The following TRIM25 variants were observed in gnomAD, a reference collection of about 807,000 sequenced individuals.
TRIM25 encodes the protein E3 ubiquitin/ISG15 ligase TRIM25.
TRIM25 carries 45 observed loss-of-function variants against 65.2 expected under a neutral mutation model. The ratio of observed to expected loss-of-function variants is 0.69; its 90% confidence interval spans 0.54 to 0.89. The LOEUF is 0.89. Ranked by LOEUF, TRIM25 falls within the 40% of genes least tolerant of loss-of-function variation. The pLI, the probability that TRIM25 is intolerant of heterozygous loss-of-function variation, is 0.00. For synonymous variants in TRIM25, 321 were observed against 340.4 expected (o/e 0.94, Z 0.63); for missense variants, 714 against 803.7 (o/e 0.89, Z 1.35).
At chr17:56,897,543 A>T (rs953679657) in intron 5 of TRIM25, among the ~76,000 whole-genome samples, 2 of 151,942 alleles carry the variant, frequency 1.3e-5, no homozygotes, top group African/African-American at 2.4e-5. Context: ...TGTGACATCA[A>T]TCTAGGGCAC....
In TRIM25 at chr17:56,891,769, A is replaced by G. The variant is rs1909175530; in HGVS notation, c.1824T>C (p.Thr608=). Residue 608 remains threonine, a synonymous_variant, in exon 9 of 9, where the codon ACT becomes ACC. Coordinates refer to ENST00000316881, the MANE Select transcript of TRIM25 (RefSeq NM_005082.5). ...HLMYKFRVDF[T]EALYPAFWVF... ...CCCAGAAAGCCGGGTACAAAGCCTC[A>G]GTAAAGTCCACCCTGAACTTATACA... 1.9e-6 allele frequency: 3 copies of G among 1,614,210 alleles called. No homozygotes were observed. In the East Asian group the frequency reaches 6.7e-5, roughly 36 times the overall value.
rs745885149 is a variant in TRIM25, at chr17:56,892,018, C to T, written c.1575G>A (p.Gly525=). 6.2e-7 allele frequency: 1 copy of T among 1,614,172 alleles called. No homozygotes were observed. Among genetic ancestry groups the T allele is most frequent in the Non-Finnish European group, 8.5e-7 (1 of 1,180,042 alleles). The stretch of plus-strand genomic sequence containing the variant: ...TCATGCTTCCGTAGCAGATGCCTAC[C>T]CCACAGAAGTTGTTCTTCTGCAGCT... ...EVELQKNNFC[G]VGICYGSMNR... The change falls in exon 9 of 9, where the codon GGG becomes GGA. Residue 525 remains glycine, a synonymous_variant. Transcript: ENST00000316881.
rs1431022480 is a variant in TRIM25 at position 56,905,187 on chromosome 17, A to C, written c.694-699T>G. On this transcript the variant is annotated intron_variant, in intron 2 of 8. Coordinates refer to ENST00000316881, the MANE Select transcript of TRIM25 (RefSeq NM_005082.5). Reference sequence around the variant, plus strand: ...AAGACCATTCTGGCCAACATGGTGAAACCCCATCTCTACTAAAAATACAAA... The same window carrying C: ...AAGACCATTCTGGCCAACATGGTGACACCCCATCTCTACTAAAAATACAAA... 2.0e-5 allele frequency among the ~76,000 whole-genome samples: 3 copies of C among 152,172 alleles called. No homozygotes were observed. In the East Asian group the frequency reaches 5.8e-4, roughly 29 times the overall value.
In TRIM25 at chr17:56,889,539, ACTC is replaced by A. The variant is rs1376118536; in HGVS notation, c.*2158_*2160del. The stretch of plus-strand genomic sequence containing the variant: ...GAATGGTTCAAGACAGCAAGGATGC[ACTC>A]CTCAATTTACAACTCCAAAGCACCT... On this transcript the variant is annotated 3_prime_UTR_variant, in exon 9 of 9. Coordinates refer to ENST00000316881, the MANE Select transcript of TRIM25 (RefSeq NM_005082.5). 1 of 387,676 alleles carries A rather than the reference ACTC, an allele frequency of 2.6e-6. No homozygotes were observed. Among genetic ancestry groups the A allele is most frequent in the African/African-American group, 2.1e-5 (1 of 48,356 alleles). The allele number at this position is 387,676 out of a possible 1,614,324, so 24.0% of individuals were successfully genotyped here.
Position 56,913,983 on chromosome 17 carries a change from T to C in TRIM25, c.6A>G (p.Ala2=). 2 of 1,552,948 alleles carry C rather than the reference T, an allele frequency of 1.3e-6. No individual in the cohort carries two copies. The highest frequency in any genetic ancestry group is 1.7e-6 in the Non-Finnish European group (2 of 1,146,922). The change falls in exon 1 of 9, where the codon GCA becomes GCG. Residue 2 remains alanine (A), a synonymous_variant. Coordinates refer to ENST00000316881, the MANE Select transcript of TRIM25 (RefSeq NM_005082.5). This position sits in a 1 kb window ranked among gnomAD's most constrained non-coding sequence, Gnocchi z 6.1. The stretch of plus-strand genomic sequence containing the variant: ...GCTCCTCGGCCAGGGGGCACAGCTC[T>C]GCCATGGCGCTCCCAGGGGTCGGGA... M[A]ELCPLAEELS...
At chr17:56,910,732 C>G (rs1385408344) in intron 1 of TRIM25, among the ~76,000 whole-genome samples, 7 of 152,180 alleles carry the variant, frequency 4.6e-5, no homozygotes, top group Admixed American at 4.6e-4. Context: ...CCTGAGGATC[C>G]CTTCACAGAC....
chr17:56,897,936 C>T (rs779136876), intron 5 of TRIM25, among the ~76,000 whole-genome samples: 5 of 152,208 alleles, frequency 3.3e-5, no homozygotes, highest in Non-Finnish European at 5.9e-5. Flanking sequence ...CTGTTCCATT[C>T]GGGGACCGAT....
At position 56,893,469 on chromosome 17, in the gene TRIM25, G is replaced by T. The variant is rs1039706403; in HGVS notation, c.1364-1240C>A. The stretch of plus-strand genomic sequence containing the variant: ...GTCTGGGCCTCTCTTGGGGGGCAGG[G>T]ACAGCGGAGGGCTACAAGAAGGCCA... On this transcript the variant is annotated intron_variant, in intron 8 of 8. Coordinates refer to ENST00000316881, the MANE Select transcript of TRIM25 (RefSeq NM_005082.5). Among the ~76,000 whole-genome samples, 3 of 152,220 alleles carry T rather than the reference G, an allele frequency of 2.0e-5. No individual in the cohort carries two copies. The East Asian group carries it at 5.8e-4, about 29-fold the overall frequency.
At chr17:56,901,302 T>C in intron 4 of TRIM25, 117 bp downstream of exon 4, 4 of 1,213,690 alleles carry the variant, frequency 3.3e-6, no homozygotes, top group Non-Finnish European at 4.6e-6. Context: ...TCAGGAGCCC[T>C]GAAACTCAGG....
chr17:56,890,288 A>C lies in TRIM25; in HGVS notation c.*1412T>G. 6.1e-6 allele frequency: 2 copies of C among 329,998 alleles called. No homozygotes were observed. Among genetic ancestry groups the C allele is most frequent in the South Asian group, 4.8e-5 (2 of 41,800 alleles). 20.4% of individuals were successfully genotyped at this position (329,998 alleles called of 1,614,324 possible). On this transcript the variant is annotated 3_prime_UTR_variant, in exon 9 of 9. Coordinates refer to ENST00000316881, the MANE Select transcript of TRIM25 (RefSeq NM_005082.5). ...GAGCTTGGGGAAAATCCAGCCATCC[A>C]TTCACTCCCGCCCCTTAGTGGACTG...
At position 56,891,571 on chromosome 17, in the gene TRIM25, CA is replaced by C; in HGVS notation, c.*128del. 1.1e-6 allele frequency: 1 copy of C among 935,160 alleles called. No individual in the cohort carries two copies. Among genetic ancestry groups the C allele is most frequent in the Non-Finnish European group, 1.6e-6 (1 of 641,880 alleles). 57.9% of individuals were successfully genotyped at this position (935,160 alleles called of 1,614,324 possible). A position where few individuals can be genotyped will look rare whatever the true frequency, so the allele number is the denominator to read the frequency against. On this transcript the variant is annotated 3_prime_UTR_variant, in exon 9 of 9. Coordinates refer to ENST00000316881, the MANE Select transcript of TRIM25 (RefSeq NM_005082.5). The stretch of plus-strand genomic sequence containing the variant: ...TAAATCCCACCTCCCACCCTCCCGC[CA>C]GCTCCCCTCCCATGCTCCCAATCCT...
chr17:56,902,132 G>A (rs1021882875), intron 3 of TRIM25, among the ~76,000 whole-genome samples: 6 of 152,164 alleles, frequency 3.9e-5, no homozygotes, highest in Non-Finnish European at 8.8e-5. Context: ...TCGAGAGCTC[G>A]GGGCAGCTGC....
chr17:56,895,275 G>A (rs1909267491), intron 8 of TRIM25, 68 bp downstream of exon 8: 18 of 1,303,066 alleles, frequency 1.4e-5, no homozygotes, highest in Non-Finnish European at 1.9e-5. Flanking sequence ...GCCTCACAGA[G>A]AGCTGCACAG....
rs755954951 is a variant in TRIM25, at chr17:56,901,531, G to A, written c.975C>T (p.Pro325=). The change falls in exon 4 of 9, where the codon CCC becomes CCT. Residue 325 remains proline, a synonymous_variant. Transcript: ENST00000316881. ...RGISTKPVYI[P]EVELNHKLIK... is the part of the protein sequence containing the mutation. ...TCAGCTTGTGGTTCAGTTCCACCTC[G>A]GGGATGTAGACTGGCTTTGTTGAGA... 15 of 1,614,122 alleles carry A rather than the reference G, an allele frequency of 9.3e-6. No individual in the cohort carries two copies. In the Admixed American group the frequency reaches 1.0e-4, roughly 11 times the overall value.
chr17:56,904,995 G>T (rs542244968), intron 2 of TRIM25, among the ~76,000 whole-genome samples: 5 of 152,146 alleles, frequency 3.3e-5, no homozygotes, highest in Non-Finnish European at 7.3e-5. Flanking sequence ...ACAAAGAAAC[G>T]CATGGGAATG....
intron 1 of TRIM25, among the ~76,000 whole-genome samples, chr17:56,911,903 A>G (rs1909637021): frequency 6.6e-6 from 1 of 151,756 alleles, no homozygotes. Context: ...AAAAGAAGAA[A>G]AAAAAAAGCC....
chr17:56,905,287 C>T (rs1416307052), intron 2 of TRIM25, among the ~76,000 whole-genome samples: 1 of 152,158 alleles, frequency 6.6e-6, no homozygotes, highest in African/African-American at 2.4e-5. Context: ...TCGCTTGAAC[C>T]CAGGAGGCAG....
At chr17:56,899,219 C>T (rs1781386934) in intron 4 of TRIM25, 39 bp from the exon 5 acceptor site, 1 of 1,611,282 alleles carries the variant, frequency 6.2e-7, no homozygotes, top group African/African-American at 1.3e-5. Flanking sequence ...TGCGGCTCCT[C>T]TCACTGACCC....
chr17:56,898,514 G>A (rs1480624034), intron 5 of TRIM25, among the ~76,000 whole-genome samples: 1 of 152,148 alleles, frequency 6.6e-6, no homozygotes, highest in Non-Finnish European at 1.5e-5. Context: ...GAGGGGGATA[G>A]TACCCCTAGG....
Sources: allele counts gnomAD v4.1 joint callset (sites outside exome capture counted in the v4.1 genomes callset), GRCh38; gene constraint gnomAD v4.1.1; non-coding constraint Gnocchi (gnomAD v3.1); transcripts MANE v1.5; gene names NCBI Gene and HGNC (gene_info 2026-07-23, HGNC 2026-07-21).